The following GCSH variants were observed in gnomAD, a reference collection of about 807,000 sequenced individuals.
GCSH encodes the protein glycine cleavage system protein H, also known as glycine cleavage system H protein, mitochondrial.
In GCSH, 15 loss-of-function variants were observed where a neutral mutation model predicts 21.3. The ratio of observed to expected loss-of-function variants is 0.70; its 90% CI spans 0.47 to 1.08. The LOEUF (loss-of-function observed/expected upper bound fraction) is 1.08, where lower values mean the gene tolerates loss of function less well. Among genes scored for constraint, GCSH ranks in the 50% least tolerant of loss-of-function variants. The probability of loss-of-function intolerance (pLI) is 0.00; values close to 1 mark genes in which losing one functional copy is unlikely to be tolerated. For synonymous variants in GCSH, 59 were observed against 84.5 expected (o/e 0.70, Z 1.66); for missense variants, 179 against 217.5 (o/e 0.82, Z 1.11).
At chr16:81,096,059 G>T in intron 1 of GCSH, 72 bp downstream of exon 1, 1 of 1,182,688 alleles carries the variant, frequency 8.5e-7, no homozygotes, top group Non-Finnish European at 1.1e-6. Flanking sequence ...GGCGTCCTCC[G>T]TGTCCCGCTG....
intron 1 of GCSH, among the ~76,000 whole-genome samples, chr16:81,094,769 G>C (rs765457149): frequency 6.8e-5 from 9 of 132,500 alleles, no homozygotes; most frequent in Non-Finnish European, 1.4e-4. Flanking sequence ...AATCGAAGCA[G>C]AGGAGCAGTC....
At chr16:81,094,517 A>G (rs916049413) in intron 1 of GCSH, among the ~76,000 whole-genome samples, 10 of 152,100 alleles carry the variant, frequency 6.6e-5, no homozygotes, top group Middle Eastern at 3.4e-3. Context: ...AAAAGAAGAA[A>G]AAAAAAAGGA....
intron 3 of GCSH, among the ~76,000 whole-genome samples, 186 bp from the exon 4 acceptor site, chr16:81,084,780 C>G (rs921249368): frequency 6.7e-6 from 1 of 149,824 alleles, no homozygotes; most frequent in East Asian, 1.9e-4. Context: ...CGCAATCTCA[C>G]GTCACTGCAA....
rs145768524 is a variant in GCSH at position 81,090,626 on chromosome 16, G to T, written c.203C>A (p.Thr68Lys). 6.2e-7 allele frequency: 1 copy of T among 1,611,130 alleles called. No homozygotes were observed. The highest frequency in any genetic ancestry group is 1.3e-5 in the African/African-American group (1 of 74,850). The change falls in exon 2 of 5, where the codon ACA (threonine) becomes AAA (lysine). Residue 68 changes from threonine to lysine, a missense_variant. Thr to Lys is a moderately conservative substitution (Grantham distance 78). Transcript: ENST00000315467. ...CTGTGCAAAATTGCTGATTCCCACT[G>T]TTCCAATGCCATTTTCTGTTGTTAC... ...EWVTTENGIG[T>K]VGISNFAQEA... is the part of the protein sequence containing the mutation.
At chr16:81,094,691 C>A (rs1297527418) in intron 1 of GCSH, among the ~76,000 whole-genome samples, 1 of 152,068 alleles carries the variant, frequency 6.6e-6, no homozygotes, top group Non-Finnish European at 1.5e-5. Context: ...AATTTATCAA[C>A]CATTCCAGCT....
At chr16:81,084,319 G>C in intron 4 of GCSH, 144 bp downstream of exon 4, 1 of 739,144 alleles carries the variant, frequency 1.4e-6, no homozygotes, top group Admixed American at 2.3e-5. Flanking sequence ...ACTAACCTCT[G>C]TTTTTCTTTT....
intron 2 of GCSH, among the ~76,000 whole-genome samples, chr16:81,088,819 T>G (rs1972335369): frequency 6.6e-6 from 1 of 152,214 alleles, no homozygotes; most frequent in Non-Finnish European, 1.5e-5. Context: ...CTACAAATCA[T>G]AGTCCTCACA....
At chr16:81,092,667 C>T (rs780332351) in intron 1 of GCSH, among the ~76,000 whole-genome samples, 2 of 151,598 alleles carry the variant, frequency 1.3e-5, no homozygotes, top group Non-Finnish European at 2.9e-5. Context: ...TGCTTGAACC[C>T]AGGAGGCAGA....
chr16:81,096,071 GC>G, intron 1 of GCSH, 59 bp downstream of exon 1: 1 of 1,213,992 alleles, frequency 8.2e-7, no homozygotes, highest in Non-Finnish European at 1.0e-6. Flanking sequence ...GTCCCGCTGG[GC>G]CCGGGACAAG....
intron 1 of GCSH, among the ~76,000 whole-genome samples, chr16:81,095,036 T>G (rs1012687344): frequency 3.3e-5 from 5 of 150,002 alleles, no homozygotes; most frequent in African/African-American, 1.2e-4. Flanking sequence ...GCGCTTGCAG[T>G]GAGCCGAGAT....
intron 2 of GCSH, among the ~76,000 whole-genome samples, chr16:81,087,891 A>T (rs1471839161): frequency 6.6e-6 from 1 of 152,150 alleles, no homozygotes; most frequent in Non-Finnish European, 1.5e-5. Flanking sequence ...TGAAAGGCCC[A>T]AAGTGGGTGT....
At chr16:81,086,556 C>CA (rs1237105317) in intron 3 of GCSH, among the ~76,000 whole-genome samples, 1 of 148,510 alleles carries the variant, frequency 6.7e-6, no homozygotes, top group Non-Finnish European at 1.5e-5. Flanking sequence ...GACTCCGTCT[C>CA]AAAAAAATAA....
intron 1 of GCSH, among the ~76,000 whole-genome samples, chr16:81,092,213 A>G (rs8177860): frequency 0.028 from 4,286 of 152,174 alleles, 171 homozygotes; most frequent in African/African-American, 0.092. Flanking sequence ...CTAGGTTCTT[A>G]GGCCAGCCAA....
Position 81,087,631 on chromosome 16 carries a change from G to T in GCSH, c.262C>A (p.Pro88Thr). 1 of 1,611,794 alleles carries T rather than the reference G, an allele frequency of 6.2e-7. No individual in the cohort carries two copies. The highest frequency in any genetic ancestry group is 8.5e-7 in the Non-Finnish European group (1 of 1,178,470). ...ALGDVVYCSL[P>T]EVGTKLNKQD... ...TTGTTCAATTTTGTCCCAACTTCAG[G>T]GAGACTACAATAAACAACATCTCCC... Residue 88 changes from proline to threonine, a missense_variant, in exon 3 of 5, where the codon CCT (proline) becomes ACT (threonine). Coordinates refer to ENST00000315467, the MANE Select transcript of GCSH (RefSeq NM_004483.5).
At position 81,082,329 on chromosome 16, in the gene GCSH, G is replaced by A. The variant is rs956403926; in HGVS notation, c.*537C>T. The A allele has an allele frequency of 2.5e-5, 11 of 440,660 alleles. No individual in the cohort carries two copies. Among genetic ancestry groups the A allele is most frequent in the East Asian group, 7.0e-5 (1 of 14,250 alleles). The allele number at this position is 440,660 out of a possible 1,614,324, so 27.3% of individuals were successfully genotyped here. A position where few individuals can be genotyped will look rare whatever the true frequency, so the allele number is the denominator to read the frequency against. On this transcript the variant is annotated 3_prime_UTR_variant, in exon 5 of 5. Coordinates refer to ENST00000315467, the MANE Select transcript of GCSH (RefSeq NM_004483.5). ...TAACATCAAAACAAACATGATTAACGAAGAAGTATTTTATTATTTTGCTGC... is the reference window on the plus strand; with the variant it reads ...TAACATCAAAACAAACATGATTAACAAAGAAGTATTTTATTATTTTGCTGC...
At position 81,096,349 on chromosome 16, in the gene GCSH, C is replaced by T. The variant is rs1018548088; in HGVS notation, c.-71G>A. ...CGCCGGGAGGCGGGGCGGGGAGGGG[C>T]AGTTCGCGGCCGGAGGGAGCCGGCT... is the stretch of plus-strand genomic sequence containing the variant. On this transcript the variant is annotated 5_prime_UTR_variant, in exon 1 of 5. Transcript: ENST00000315467. The T allele has an allele frequency of 3.1e-6, 4 of 1,298,336 alleles. No individual in the cohort carries two copies. Among genetic ancestry groups the T allele is most frequent in the Non-Finnish European group, 3.9e-6 (4 of 1,013,594 alleles). The allele number at this position is 1,298,336 out of a possible 1,614,324, so 80.4% of individuals were successfully genotyped here.
At position 81,090,452 on chromosome 16, in the gene GCSH, C is replaced by A. The variant is rs112399411; in HGVS notation, c.228+149G>T. 9,350 of 683,758 alleles carry A rather than the reference C, an allele frequency of 0.014. 363 individuals are homozygous for A. Among genetic ancestry groups the A allele is most frequent in the African/African-American group, 0.11 (6,402 of 56,534 alleles). The allele number at this position is 683,758 out of a possible 1,614,324, so 42.4% of individuals were successfully genotyped here. On this transcript the variant is annotated intron_variant, in intron 2 of 4. Coordinates refer to ENST00000315467, the MANE Select transcript of GCSH (RefSeq NM_004483.5). ...GACCAGGCTGGTCTTGAACTCCTGG[C>A]CTCAAGCAATCCTCCTGCCTCAGCC...
At chr16:81,087,757 T>A (rs1455963526) in intron 2 of GCSH, 93 bp from the exon 3 acceptor site, 2 of 843,036 alleles carry the variant, frequency 2.4e-6, no homozygotes, top group African/African-American at 3.4e-5. Flanking sequence ...TCCCCTATAA[T>A]GAAGATTTAG....
chr16:81,087,545 T>C (rs1972308196), intron 3 of GCSH, 56 bp downstream of exon 3: 1 of 1,194,958 alleles, frequency 8.4e-7, no homozygotes, highest in Admixed American at 1.7e-5. Context: ...CAAATTACTA[T>C]TCAATGTAAA....
Sources: allele counts gnomAD v4.1 joint callset (sites outside exome capture counted in the v4.1 genomes callset), GRCh38; gene constraint gnomAD v4.1.1; transcripts MANE v1.5; gene names NCBI Gene and HGNC (gene_info 2026-07-23, HGNC 2026-07-21).